EP300: variants seen among roughly 807,000 people sequenced by gnomAD.
EP300 encodes histone acetyltransferase p300.
In EP300, 31 loss-of-function variants were observed where a neutral mutation model predicts 264.0. That is an observed-to-expected ratio of 0.12 (90% CI 0.09 to 0.16). The LOEUF (loss-of-function observed/expected upper bound fraction) is 0.16, where lower values mean the gene tolerates loss of function less well. Ranked by LOEUF, EP300 falls within the 10% of genes least tolerant of loss-of-function variation. The probability of loss-of-function intolerance (pLI) is 1.00; values close to 1 mark genes in which losing one functional copy is unlikely to be tolerated. For missense variants in EP300, 2,766 were observed against 3,052.9 expected, an observed-to-expected ratio of 0.91 and a Z score of 2.21; for synonymous variants, 1,340 against 1,045.4, an observed-to-expected ratio of 1.28 and a Z score of -5.44.
At position 41,177,099 on chromosome 22, in the gene EP300, C is replaced by T. The variant is rs748793403; in HGVS notation, c.5388C>T (p.Cys1796=). 6.2e-7 allele frequency: 1 copy of T among 1,614,128 alleles called. No individual in the cohort carries two copies. The highest frequency in any genetic ancestry group is 1.7e-5 in the Admixed American group (1 of 60,020). The part of the protein sequence containing the change: ...IALCCYHAKH[C]QENKCPVPFC... ...TCTGCTGCTACCATGCCAAGCACTGCCAGGAGAACAAATGCCCGGTGCCGT... is the reference window on the plus strand; with the variant it reads ...TCTGCTGCTACCATGCCAAGCACTGTCAGGAGAACAAATGCCCGGTGCCGT... Residue 1796 remains cysteine, a synonymous_variant, in exon 31 of 31, where the codon TGC becomes TGT. Coordinates refer to ENST00000263253, the MANE Select transcript of EP300 (RefSeq NM_001429.4).
At chr22:41,146,980 A>G (rs1225678207) in intron 11 of EP300, among the ~76,000 whole-genome samples, 164 bp downstream of exon 11, 2 of 152,166 alleles carry the variant, frequency 1.3e-5, no homozygotes, top group African/African-American at 4.8e-5. Context: ...ATCACAGGGC[A>G]GGTGACATTA....
chr22:41,173,076 C>T (rs1231673805), intron 28 of EP300, among the ~76,000 whole-genome samples: 2 of 152,102 alleles, frequency 1.3e-5, no homozygotes, highest in Non-Finnish European at 2.9e-5. Context: ...AGGCCTGAGC[C>T]AGAATTTAAG....
At chr22:41,160,777 T>A (rs902364651) in intron 20 of EP300, 55 bp downstream of exon 20, 1 of 1,482,782 alleles carries the variant, frequency 6.7e-7, no homozygotes, top group Non-Finnish European at 9.4e-7. Flanking sequence ...CCAGTGATTA[T>A]GCACAGCTTA....
In EP300 at chr22:41,154,988, T is replaced by G. The variant is rs778277906; in HGVS notation, c.3143-7T>G. The G allele has an allele frequency of 4.3e-5, 68 of 1,593,656 alleles. No homozygotes were observed. Among genetic ancestry groups the G allele is most frequent in the Non-Finnish European group, 4.0e-5 (46 of 1,161,588 alleles). On this transcript the variant is annotated splice_polypyrimidine_tract_variant and splice_region_variant and intron_variant, in intron 16 of 30. Transcript: ENST00000263253. ...AACTAATTTCAAATGCACTTTTTTT[T>G]TTTAAGTTTTCAAACCAGAAGAACT... is the stretch of plus-strand genomic sequence containing the variant.
intron 1 of EP300, among the ~76,000 whole-genome samples, chr22:41,112,505 A>ATAAATATATTTTATATTTTATTT (rs2058798327): frequency 6.6e-6 from 1 of 152,236 alleles, no homozygotes; most frequent in African/African-American, 2.4e-5. Context: ...GGCCAAGATG[A>ATAAATATATTTTATATTTTATTT]ATCTTATATT....
At chr22:41,102,997 C>G (rs2145679021) in intron 1 of EP300, among the ~76,000 whole-genome samples, 1 of 152,122 alleles carries the variant, frequency 6.6e-6, no homozygotes, top group African/African-American at 2.4e-5. Context: ...CTAAAGGTAT[C>G]CACCACCACG....
chr22:41,164,342 C>A (rs915769789), intron 22 of EP300, among the ~76,000 whole-genome samples: 1 of 152,120 alleles, frequency 6.6e-6, no homozygotes, highest in Non-Finnish European at 1.5e-5. Flanking sequence ...TTTATGCATT[C>A]TTCTTAGCCA....
rs1314723360 is a variant in EP300, at chr22:41,092,858, G to A, written c.-147G>A. Reference sequence around the variant, plus strand: ...CCCTCTCCAGCCACTGCGACCCGGCGAAGAGAAAAAGGAACTTCCCCCACC... The same window carrying A: ...CCCTCTCCAGCCACTGCGACCCGGCAAAGAGAAAAAGGAACTTCCCCCACC... On this transcript the variant is annotated 5_prime_UTR_variant, in exon 1 of 31. Transcript: ENST00000263253. The A allele has an allele frequency of 4.6e-6, 4 of 861,052 alleles. No homozygotes were observed. The highest frequency in any genetic ancestry group is 1.7e-5 in the African/African-American group (1 of 60,038). 53.3% of individuals were successfully genotyped at this position (861,052 alleles called of 1,614,324 possible).
rs1385430171 is a variant in EP300, at chr22:41,092,916, C to T, written c.-89C>T. On this transcript the variant is annotated 5_prime_UTR_variant, in exon 1 of 31. Coordinates refer to ENST00000263253, the MANE Select transcript of EP300 (RefSeq NM_001429.4). ...GTGCCGTCGGAGCCCCCCAGCCCAC[C>T]CCTGGGTGCGGCGCGGGGACCCCGG... 1.4e-6 allele frequency: 2 copies of T among 1,476,466 alleles called. No individual in the cohort carries two copies. The highest frequency in any genetic ancestry group is 1.4e-5 in the African/African-American group (1 of 72,246). The allele number at this position is 1,476,466 out of a possible 1,614,324, so 91.5% of individuals were successfully genotyped here. A position where few individuals can be genotyped will look rare whatever the true frequency, so the allele number is the denominator to read the frequency against.
intron 15 of EP300, 34 bp from the exon 16 acceptor site, chr22:41,152,172 T>G: frequency 6.2e-7 from 1 of 1,610,482 alleles, no homozygotes; most frequent in Non-Finnish European, 8.5e-7. Flanking sequence ...CTAGATATCT[T>G]TGGAATACTA....
At chr22:41,161,570 T>C (rs904592529) in intron 20 of EP300, among the ~76,000 whole-genome samples, 1 of 152,076 alleles carries the variant, frequency 6.6e-6, no homozygotes, top group Non-Finnish European at 1.5e-5. Context: ...TGAGCTGAGA[T>C]TGGGCCACTG....
intron 1 of EP300, among the ~76,000 whole-genome samples, chr22:41,100,624 C>G (rs2058726640): frequency 6.6e-6 from 1 of 152,224 alleles, no homozygotes; most frequent in East Asian, 1.9e-4. Context: ...ATTCCCTAAA[C>G]AATACAGTGC....
intron 18 of EP300, among the ~76,000 whole-genome samples, chr22:41,158,048 GT>G (rs1420863746): frequency 2.0e-5 from 3 of 152,168 alleles, no homozygotes; most frequent in Admixed American, 2.0e-4. Flanking sequence ...CACATTATTG[GT>G]TTTTTGTTTT....
At chr22:41,157,512 C>CT (rs1214250106) in intron 18 of EP300, 104 bp downstream of exon 18, 52,771 of 427,458 alleles carry the variant, frequency 0.12, 645 homozygotes, top group South Asian at 0.14. Flanking sequence ...TTTGACATGG[C>CT]TTTTTTTTTT....
chr22:41,150,286 T>G, intron 14 of EP300, 88 bp downstream of exon 14: 2 of 1,418,872 alleles, frequency 1.4e-6, no homozygotes, highest in Non-Finnish European at 1.9e-6. Context: ...CTCTTTTGCT[T>G]TATCTCTTAC....
At chr22:41,150,824 G>C (rs1269411564) in intron 14 of EP300, among the ~76,000 whole-genome samples, 1 of 151,768 alleles carries the variant, frequency 6.6e-6, no homozygotes, top group East Asian at 1.9e-4. Context: ...CTGGGAGGTG[G>C]AGGTTGCAGT....
chr22:41,094,239 CTT>C (rs1321409787), intron 1 of EP300, among the ~76,000 whole-genome samples: 1 of 152,162 alleles, frequency 6.6e-6, no homozygotes, highest in Non-Finnish European at 1.5e-5. Flanking sequence ...CGGAGCATCT[CTT>C]TAACTCCCTG....
At chr22:41,131,019 A>G (rs1175855573) in intron 5 of EP300, among the ~76,000 whole-genome samples, 2 of 152,210 alleles carry the variant, frequency 1.3e-5, no homozygotes, top group East Asian at 1.9e-4. Flanking sequence ...AACTCCCAAT[A>G]TAATTCACTA....
chr22:41,139,803 T>C (rs975128447), intron 8 of EP300, among the ~76,000 whole-genome samples: 1 of 152,218 alleles, frequency 6.6e-6, no homozygotes, highest in African/African-American at 2.4e-5. Flanking sequence ...ATAATAAATT[T>C]AGAAGAGCAG....
Sources: allele counts gnomAD v4.1 joint callset (sites outside exome capture counted in the v4.1 genomes callset), GRCh38; gene constraint gnomAD v4.1.1; transcripts MANE v1.5; gene names NCBI Gene and HGNC (gene_info 2026-07-23, HGNC 2026-07-21).